The following KHDRBS2 variants were observed in gnomAD, a reference collection of about 807,000 sequenced individuals.
The protein encoded by KHDRBS2 is KH RNA binding domain containing, signal transduction associated 2.
KHDRBS2 carries 26 observed loss-of-function variants against 44.3 expected under a neutral mutation model. The ratio of observed to expected loss-of-function variants is 0.59; its 90% CI spans 0.43 to 0.81. The LOEUF is 0.81. Ranked by LOEUF, KHDRBS2 falls within the 40% of genes least tolerant of loss-of-function variation. The pLI, the probability that KHDRBS2 is intolerant of heterozygous loss-of-function variation, is 0.00. For missense variants in KHDRBS2, 476 were observed against 433.1 expected (o/e 1.10, Z -0.88); for synonymous variants, 194 against 151.1 (o/e 1.28, Z -2.08).
intron 2 of KHDRBS2, among the ~76,000 whole-genome samples, chr6:62,073,136 C>T (rs1795580727): frequency 6.6e-6 from 1 of 151,806 alleles, no homozygotes. Flanking sequence ...AGATTATGAA[C>T]ATTTTATTTA....
chr6:61,667,699 T>C, the KHDRBS2 span, among the ~76,000 whole-genome samples: 1 of 151,290 alleles, frequency 6.6e-6, no homozygotes, highest in African/African-American at 2.4e-5. Context: ...CAGCAGACTA[T>C]TTGGCATTCA....
intron 2 of KHDRBS2, among the ~76,000 whole-genome samples, chr6:62,113,646 T>C (rs1436454866): frequency 6.6e-6 from 1 of 152,116 alleles, no homozygotes; most frequent in Non-Finnish European, 1.5e-5. Context: ...TGAACATCTG[T>C]CTCTCTCTAG....
the KHDRBS2 span, among the ~76,000 whole-genome samples, chr6:61,624,868 TG>T: frequency 6.6e-6 from 1 of 152,112 alleles, no homozygotes; most frequent in Non-Finnish European, 1.5e-5. Context: ...ATGACCCACT[TG>T]GAGGTCCTAG....
At position 62,063,130 on chromosome 6, in the gene KHDRBS2, A is replaced by T. The variant is rs1792471318; in HGVS notation, c.220-15136T>A. Reference sequence around the variant, plus strand: ...AATAACAGGATCTGAAATTGAGGCAATAATCAATAGTTTACCAACCAAAAA... The same window carrying T: ...AATAACAGGATCTGAAATTGAGGCATTAATCAATAGTTTACCAACCAAAAA... On this transcript the variant is annotated intron_variant, in intron 2 of 8. Transcript: ENST00000281156. Among the ~76,000 whole-genome samples the T allele has an allele frequency of 1.9e-5, 2 of 104,802 alleles. 1 individual carries two copies. The highest frequency in any genetic ancestry group is 6.3e-4 in the South Asian group (2 of 3,164). The allele number at this position is 104,802 out of a possible 152,430, so 68.8% of individuals were successfully genotyped here. A position where few individuals can be genotyped will look rare whatever the true frequency, so the allele number is the denominator to read the frequency against.
intron 7 of KHDRBS2, among the ~76,000 whole-genome samples, chr6:61,708,243 A>G (rs1290739570): frequency 1.3e-5 from 2 of 151,642 alleles, no homozygotes; most frequent in Non-Finnish European, 3.0e-5. Flanking sequence ...CTCCCTAAAT[A>G]ACTTTTATTT....
the KHDRBS2 span, among the ~76,000 whole-genome samples, chr6:61,643,693 A>G: frequency 6.6e-6 from 1 of 152,110 alleles, no homozygotes; most frequent in African/African-American, 2.4e-5. Flanking sequence ...CAAGAACACA[A>G]TCCCATTCAT....
chr6:61,917,091 G>A (rs536845786), intron 4 of KHDRBS2, among the ~76,000 whole-genome samples: 47 of 147,998 alleles, frequency 3.2e-4, no homozygotes, highest in Non-Finnish European at 6.1e-4. Context: ...AATTGTGCTC[G>A]TTATCTATCC....
chr6:62,197,023 G>C (rs986428700), intron 1 of KHDRBS2, among the ~76,000 whole-genome samples: 3 of 152,032 alleles, frequency 2.0e-5, no homozygotes, highest in African/African-American at 7.2e-5. Flanking sequence ...TCACAGTGTA[G>C]TATAAAAATG....
At chr6:61,866,288 T>C (rs1453434905) in intron 6 of KHDRBS2, among the ~76,000 whole-genome samples, 2 of 152,224 alleles carry the variant, frequency 1.3e-5, no homozygotes, top group Non-Finnish European at 2.9e-5. Flanking sequence ...CAAGCCCCAA[T>C]TCTTGACAAA....
At chr6:61,582,682 G>C in the KHDRBS2 span, among the ~76,000 whole-genome samples, 1 of 126,972 alleles carries the variant, frequency 7.9e-6, no homozygotes, top group East Asian at 2.2e-4. Flanking sequence ...CCTTATGGTA[G>C]TTATTATGTA....
At chr6:62,082,790 AG>A (rs1209447782) in intron 2 of KHDRBS2, among the ~76,000 whole-genome samples, 2 of 152,138 alleles carry the variant, frequency 1.3e-5, no homozygotes, top group Non-Finnish European at 2.9e-5. Context: ...AATGAAGAAA[AG>A]CTTTCACGCT....
chr6:62,082,514 C>G (rs1485794089), intron 2 of KHDRBS2, among the ~76,000 whole-genome samples: 1 of 152,102 alleles, frequency 6.6e-6, no homozygotes, highest in Non-Finnish European at 1.5e-5. Context: ...CTAGACTTCT[C>G]CTTTCATGGA....
At chr6:62,166,058 A>G (rs980845043) in intron 2 of KHDRBS2, among the ~76,000 whole-genome samples, 7 of 151,858 alleles carry the variant, frequency 4.6e-5, no homozygotes, top group African/African-American at 1.7e-4. Context: ...AGAATCATAT[A>G]TTTGTTCTTT....
At chr6:61,829,008 A>G (rs1451263118) in intron 6 of KHDRBS2, among the ~76,000 whole-genome samples, 1 of 152,250 alleles carries the variant, frequency 6.6e-6, no homozygotes, top group African/African-American at 2.4e-5. Context: ...TTCTTTAAAA[A>G]TTTATGCAGC....
intron 4 of KHDRBS2, among the ~76,000 whole-genome samples, chr6:61,935,554 T>C (rs2127370678): frequency 6.6e-6 from 1 of 152,270 alleles, no homozygotes; most frequent in Admixed American, 6.5e-5. Flanking sequence ...TCACAGTTAA[T>C]TATCTGAGGT....
At chr6:61,893,262 A>G (rs1583370597) in intron 6 of KHDRBS2, among the ~76,000 whole-genome samples, 1 of 152,336 alleles carries the variant, frequency 6.6e-6, no homozygotes, top group African/African-American at 2.4e-5. Flanking sequence ...GGTGCTGGAG[A>G]GGATGTGGAG....
the KHDRBS2 span, among the ~76,000 whole-genome samples, chr6:61,589,905 C>A: frequency 3.3e-5 from 5 of 152,102 alleles, no homozygotes; most frequent in African/African-American, 9.7e-5. Flanking sequence ...AGGAAGGAGG[C>A]AACCTTATGA....
the KHDRBS2 span, among the ~76,000 whole-genome samples, chr6:61,566,585 G>A: frequency 1.1e-4 from 16 of 151,998 alleles, no homozygotes; most frequent in South Asian, 2.1e-4. Context: ...TTTGACCTAC[G>A]CCCAGGAATG....
At chr6:61,574,172 G>A in the KHDRBS2 span, among the ~76,000 whole-genome samples, 2 of 152,070 alleles carry the variant, frequency 1.3e-5, no homozygotes, top group Non-Finnish European at 2.9e-5. Flanking sequence ...AAAGGAACTC[G>A]GCAAATCTTA....
Sources: allele counts gnomAD v4.1 joint callset (sites outside exome capture counted in the v4.1 genomes callset), GRCh38; gene constraint gnomAD v4.1.1; transcripts MANE v1.5; gene names NCBI Gene and HGNC (gene_info 2026-07-23, HGNC 2026-07-21).